The following NDUFAF6 variants were observed in gnomAD, a reference collection of about 807,000 sequenced individuals.
NDUFAF6 encodes the protein NADH:ubiquinone oxidoreductase complex assembly factor 6, also known as NADH dehydrogenase (ubiquinone) complex I, assembly factor 6.
In NDUFAF6, 45 loss-of-function variants were observed where a neutral mutation model predicts 40.8. That is an observed-to-expected ratio of 1.10 (90% CI 0.87 to 1.42). The LOEUF is 1.42. Ranked by LOEUF, NDUFAF6 falls within the 40% of genes most tolerant of loss-of-function variation. The pLI, the probability that NDUFAF6 is intolerant of heterozygous loss-of-function variation, is 0.00. For synonymous variants in NDUFAF6, 185 were observed against 155.9 expected, an observed-to-expected ratio of 1.19 and a Z score of -1.39; for missense variants, 435 against 418.5, an observed-to-expected ratio of 1.04 and a Z score of -0.34.
At position 95,085,231 on chromosome 8, in the gene NDUFAF6, C is replaced by A. The variant is rs538691145; in HGVS notation, n.213+9479C>A. ...AAGTTCCCTTTTTGGAAAAAGAAGT[C>A]TTTAGATAATGTGATTCAAGATGAG... On this transcript the variant is annotated intron_variant and non_coding_transcript_variant, in intron 2 of 5. Coordinates refer to the NDUFAF6 transcript ENST00000523184. Among the ~76,000 whole-genome samples the A allele has an allele frequency of 7.2e-5, 11 of 152,234 alleles. No individual in the cohort carries two copies. The South Asian group carries it at 1.5e-3, about 20-fold the overall frequency.
chr8:95,034,153 CTGT>C lies in NDUFAF6; in HGVS notation c.298-1296_298-1294del, dbSNP rs1368430578. 1.3e-5 allele frequency: 6 copies of C among 445,996 alleles called. No homozygotes were observed. The East Asian group carries it at 4.2e-4, about 31-fold the overall frequency. The allele number at this position is 445,996 out of a possible 1,614,324, so 27.6% of individuals were successfully genotyped here. A position where few individuals can be genotyped will look rare whatever the true frequency, so the allele number is the denominator to read the frequency against. ...AGTAGTACAAACAATACTCATGACC[CTGT>C]TGTTAATATTTTGTCCCATTTGCGT... On this transcript the variant is annotated intron_variant, in intron 2 of 8. Transcript: ENST00000396124.
At chr8:95,102,686 A>G (rs1310940476) in intron 2 of NDUFAF6, among the ~76,000 whole-genome samples, 1 of 152,186 alleles carries the variant, frequency 6.6e-6, no homozygotes, top group Non-Finnish European at 1.5e-5. Flanking sequence ...AGCTGCTGGT[A>G]CTGAAGGAGC....
intron 8 of NDUFAF6, among the ~76,000 whole-genome samples, chr8:95,055,759 C>T (rs946210507): frequency 1.3e-5 from 2 of 152,082 alleles, no homozygotes; most frequent in East Asian, 1.9e-4. Flanking sequence ...GTTTTTTATT[C>T]TCTTTTAAAC....
At chr8:95,065,263 A>G (rs1458875901) in intron 9 of NDUFAF6, among the ~76,000 whole-genome samples, 2 of 152,218 alleles carry the variant, frequency 1.3e-5, no homozygotes, top group African/African-American at 4.8e-5. Flanking sequence ...AATAGGGAGC[A>G]GTCTTGGGGC....
intron 1 of NDUFAF6, chr8:94,926,783 T>C (rs77004104): frequency 2.6e-5 from 4 of 152,330 alleles, no homozygotes; most frequent in African/African-American, 9.6e-5. Flanking sequence ...CCCTAAACAG[T>C]TGAAATTTAA....
At chr8:94,919,991 T>C (rs934722628) in intron 1 of NDUFAF6, among the ~76,000 whole-genome samples, 10 of 152,180 alleles carry the variant, frequency 6.6e-5, no homozygotes, top group Non-Finnish European at 1.3e-4. Flanking sequence ...TAGAATTTCC[T>C]ATAGTCTGTT....
intron 2 of NDUFAF6, among the ~76,000 whole-genome samples, chr8:95,004,495 T>C (rs905215429): frequency 2.0e-5 from 3 of 151,744 alleles, no homozygotes; most frequent in Non-Finnish European, 2.9e-5. Context: ...GGACTACAGG[T>C]GCATGATACC....
intron 1 of NDUFAF6, among the ~76,000 whole-genome samples, chr8:94,974,251 A>G (rs77604151): frequency 1.5e-5 from 2 of 137,926 alleles, no homozygotes; most frequent in East Asian, 2.0e-4. Flanking sequence ...TATTATAAGG[A>G]AAAAAAAAAA....
rs55703438 is a variant in NDUFAF6 at position 94,958,522 on chromosome 8, C to CTTTTTTTT, written c.-199+366_-199+373dup. 1.5e-3 allele frequency among the ~76,000 whole-genome samples: 107 copies of CTTTTTTTT among 71,272 alleles called. 15 individuals are homozygous for CTTTTTTTT. The highest frequency in any genetic ancestry group is 4.6e-3 in the African/African-American group (78 of 16,946). 46.8% of individuals were successfully genotyped at this position (71,272 alleles called of 152,430 possible). A position where few individuals can be genotyped will look rare whatever the true frequency, so the allele number is the denominator to read the frequency against. On this transcript the variant is annotated intron_variant, in intron 1 of 9. Coordinates refer to the NDUFAF6 transcript ENST00000396111. ...CCCTATCTCCACACATAGTCACATTCTTTTTTTTTTTTTTTTTTTTTTTTT... is the reference window on the plus strand; with the variant it reads ...CCCTATCTCCACACATAGTCACATTCTTTTTTTTTTTTTTTTTTTTTTTTTTTTTTTTT...
intron 4 of NDUFAF6, among the ~76,000 whole-genome samples, chr8:95,111,714 C>A (rs1810004051): frequency 6.6e-6 from 1 of 152,150 alleles, no homozygotes; most frequent in African/African-American, 2.4e-5. Context: ...GGCCAGCTGT[C>A]CACCTCTAAC....
At chr8:94,940,406 A>G (rs1467207850) in intron 1 of NDUFAF6, among the ~76,000 whole-genome samples, 1 of 151,876 alleles carries the variant, frequency 6.6e-6, no homozygotes. Flanking sequence ...ATTTATATTC[A>G]TCTATATGAC....
At chr8:94,947,604 C>T (rs1822135466) in intron 2 of NDUFAF6, among the ~76,000 whole-genome samples, 1 of 152,184 alleles carries the variant, frequency 6.6e-6, no homozygotes, top group Non-Finnish European at 1.5e-5. Context: ...AAAAAGTTGT[C>T]TTTGCTTGTT....
intron 1 of NDUFAF6, among the ~76,000 whole-genome samples, chr8:94,918,442 C>T (rs142472065): frequency 6.6e-6 from 1 of 152,270 alleles, no homozygotes; most frequent in East Asian, 1.9e-4. Flanking sequence ...CACAGACAAT[C>T]CTGGTCAGCT....
chr8:94,966,593 CTAAA>C (rs928753353), intron 1 of NDUFAF6, among the ~76,000 whole-genome samples: 221 of 152,088 alleles, frequency 1.5e-3, no homozygotes, highest in African/African-American at 5.0e-3. Flanking sequence ...GACCTTGTCT[CTAAA>C]TAAATAAATA....
intron 9 of NDUFAF6, chr8:95,068,657 A>G (rs1043462146): frequency 1.3e-5 from 2 of 151,920 alleles, no homozygotes; most frequent in Non-Finnish European, 2.9e-5. Flanking sequence ...AGGACAATGA[A>G]GGAGTGAGAG....
At chr8:94,988,144 T>C (rs1479507600) in intron 2 of NDUFAF6, among the ~76,000 whole-genome samples, 1 of 152,232 alleles carries the variant, frequency 6.6e-6, no homozygotes, top group African/African-American at 2.4e-5. Flanking sequence ...TTGAATCCCA[T>C]GTGTGTCCTT....
intron 2 of NDUFAF6, among the ~76,000 whole-genome samples, chr8:95,008,665 C>A (rs1450745380): frequency 6.6e-6 from 1 of 152,162 alleles, no homozygotes; most frequent in East Asian, 1.9e-4. Flanking sequence ...TGCCACTACG[C>A]CCGGGTAATT....
chr8:94,922,795 AG>A (rs1819595408), intron 1 of NDUFAF6, among the ~76,000 whole-genome samples: 1 of 152,182 alleles, frequency 6.6e-6, no homozygotes, highest in Admixed American at 6.5e-5. Context: ...CATTTTTAAC[AG>A]GATCCCCCAG....
rs978389879 is a variant in NDUFAF6, at chr8:95,056,910, A to AC, written c.874-899_874-898insC. Reference sequence around the variant, plus strand: ...AACACAGCGAGACTCTGTCTCAAAAAAAAAAAAAAGTAGATAATGAATTTG... The same window carrying AC: ...AACACAGCGAGACTCTGTCTCAAAAACAAAAAAAAAGTAGATAATGAATTTG... On this transcript the variant is annotated intron_variant, in intron 8 of 8. Transcript: ENST00000396124. Among the ~76,000 whole-genome samples the AC allele has an allele frequency of 2.0e-5, 3 of 151,906 alleles. 1 individual carries two copies. Among genetic ancestry groups the AC allele is most frequent in the South Asian group, 4.2e-4 (2 of 4,798 alleles).
Sources: allele counts gnomAD v4.1 joint callset (sites outside exome capture counted in the v4.1 genomes callset), GRCh38; gene constraint gnomAD v4.1.1; transcripts MANE v1.5; gene names NCBI Gene and HGNC (gene_info 2026-07-23, HGNC 2026-07-21).